The following CCDC141 variants were observed in gnomAD, a reference collection of about 807,000 sequenced individuals.
CCDC141 encodes the protein coiled-coil domain-containing protein 141.
In CCDC141, 168 loss-of-function variants were observed where a neutral mutation model predicts 181.0. That is an observed-to-expected ratio of 0.93 (90% CI 0.82 to 1.05). The LOEUF is 1.05. Among genes scored for constraint, CCDC141 ranks in the 50% least tolerant of loss-of-function variants. The pLI is 0.00. For missense variants in CCDC141, 1,902 were observed against 1,788.5 expected (o/e 1.06, Z -1.14); for synonymous variants, 666 against 642.3 (o/e 1.04, Z -0.56).
intron 4 of CCDC141, among the ~76,000 whole-genome samples, chr2:178,967,018 C>T (rs1438852421): frequency 6.6e-6 from 1 of 151,616 alleles, no homozygotes; most frequent in African/African-American, 2.4e-5. Flanking sequence ...TGAAGACCAA[C>T]TTAATGAAAT....
chr2:178,994,821 G>T (rs1692210104), intron 2 of CCDC141, among the ~76,000 whole-genome samples: 1 of 152,124 alleles, frequency 6.6e-6, no homozygotes, highest in Non-Finnish European at 1.5e-5. Context: ...TCTATCTCAA[G>T]TTCAAAGTTC....
At chr2:178,969,945 A>G (rs2154379857) in intron 4 of CCDC141, among the ~76,000 whole-genome samples, 1 of 152,362 alleles carries the variant, frequency 6.6e-6, no homozygotes, top group African/African-American at 2.4e-5. Context: ...TACAAAATCA[A>G]TGTGCAAAAA....
Position 178,868,067 on chromosome 2 carries a change from G to A in CCDC141, c.2533C>T (p.Leu845Phe). 1 of 1,613,956 alleles carries A rather than the reference G, an allele frequency of 6.2e-7. No individual in the cohort carries two copies. The highest frequency in any genetic ancestry group is 8.5e-7 in the Non-Finnish European group (1 of 1,179,902). ...ARVDHLHRLA[L>F]SLGVDIISSV... is the part of the protein sequence containing the mutation. ...GAGATGATGTCGACTCCTAAGGAAA[G>A]GGCCAGTCTGTGGAGATGGTCTACA... The change falls in exon 16 of 24, where the codon CTT (leucine) becomes TTT (phenylalanine). Residue 845 changes from leucine to phenylalanine, a missense_variant. Leu to Phe is a conservative substitution (Grantham distance 22, BLOSUM62 0). Transcript: ENST00000443758.
intron 2 of CCDC141, among the ~76,000 whole-genome samples, chr2:178,990,584 T>TGGAGGGGAGGGGAGG (rs199693487): frequency 7.0e-5 from 2 of 28,484 alleles, no homozygotes; most frequent in Admixed American, 4.9e-4. Flanking sequence ...GGGAGGGGAG[T>TGGAGGGGAGGGGAGG]GGAGGGGAGG....
chr2:178,945,831 T>A (rs765175280), intron 5 of CCDC141, among the ~76,000 whole-genome samples: 1 of 143,148 alleles, frequency 7.0e-6, no homozygotes, highest in Non-Finnish European at 1.5e-5. Context: ...TTCCACACAA[T>A]AAATGCACAT....
intron 2 of CCDC141, among the ~76,000 whole-genome samples, chr2:179,008,412 A>G (rs1298396335): frequency 6.6e-6 from 1 of 152,140 alleles, no homozygotes; most frequent in Admixed American, 6.5e-5. Flanking sequence ...GGTAGGTGTC[A>G]CGGGCACTGA....
intron 4 of CCDC141, among the ~76,000 whole-genome samples, chr2:178,964,691 T>G (rs7574471): frequency 0.97 from 148,333 of 152,232 alleles, 72,366 homozygotes; most frequent in Middle Eastern, 1. Context: ...CTTACGTTTT[T>G]CTTTTTCACA....
intron 3 of CCDC141, among the ~76,000 whole-genome samples, chr2:178,976,026 T>C (rs545617015): frequency 6.6e-6 from 1 of 152,318 alleles, no homozygotes; most frequent in Non-Finnish European, 1.5e-5. Flanking sequence ...TCTGTCTTTT[T>C]TCTTTTTCTC....
At chr2:178,988,728 G>A (rs577310742) in intron 2 of CCDC141, among the ~76,000 whole-genome samples, 1 of 152,214 alleles carries the variant, frequency 6.6e-6, no homozygotes, top group Non-Finnish European at 1.5e-5. Flanking sequence ...AACAAATTCG[G>A]AGGACTCACA....
intron 5 of CCDC141, among the ~76,000 whole-genome samples, chr2:178,958,277 T>TCAAGAGTG (rs987722605): frequency 3.9e-5 from 6 of 152,096 alleles, no homozygotes; most frequent in African/African-American, 1.4e-4. Context: ...ATGTACATCA[T>TCAAGAGTG]CAAGAGTGAA....
chr2:178,848,361 T>C (rs141697745), intron 21 of CCDC141, among the ~76,000 whole-genome samples: 175 of 152,314 alleles, frequency 1.1e-3, no homozygotes, highest in African/African-American at 4.1e-3. Context: ...AGGAAGAGTT[T>C]GTAGTAGAGT....
intron 4 of CCDC141, among the ~76,000 whole-genome samples, chr2:178,969,387 C>T (rs1690782600): frequency 6.6e-6 from 1 of 152,122 alleles, no homozygotes; most frequent in Non-Finnish European, 1.5e-5. Flanking sequence ...AAAATACTGG[C>T]AAACCAAATC....
intron 17 of CCDC141, 141 bp from the exon 18 acceptor site, chr2:178,856,538 C>T (rs1685396656): frequency 2.5e-6 from 1 of 406,584 alleles, no homozygotes; most frequent in East Asian, 3.3e-5. Context: ...CCCTCCCTCC[C>T]TCTCTCTTTC....
intron 2 of CCDC141, among the ~76,000 whole-genome samples, chr2:178,982,618 C>T (rs1005821589): frequency 9.5e-5 from 14 of 147,880 alleles, no homozygotes; most frequent in East Asian, 2.1e-4. Context: ...GCACCATGTG[C>T]GAACCGAAGC....
chr2:178,970,378 A>C (rs543429864), intron 4 of CCDC141, among the ~76,000 whole-genome samples: 15 of 152,210 alleles, frequency 9.9e-5, no homozygotes, highest in African/African-American at 1.4e-4. Flanking sequence ...CTATCCTACA[A>C]CGCTACGGTA....
intron 2 of CCDC141, among the ~76,000 whole-genome samples, chr2:178,985,222 T>A (rs1691665564): frequency 6.6e-6 from 1 of 151,298 alleles, no homozygotes; most frequent in Non-Finnish European, 1.5e-5. Context: ...GACTACTGGG[T>A]ACATAACGAA....
At chr2:178,867,221 A>G (rs1685893442) in intron 16 of CCDC141, among the ~76,000 whole-genome samples, 1 of 152,240 alleles carries the variant, frequency 6.6e-6, no homozygotes, top group Non-Finnish European at 1.5e-5. Context: ...TTCTTCATCC[A>G]TAAAATGATA....
chr2:178,988,925 G>A (rs1691893875), intron 2 of CCDC141, among the ~76,000 whole-genome samples: 1 of 152,076 alleles, frequency 6.6e-6, no homozygotes, highest in South Asian at 2.1e-4. Context: ...CAAACTAGTG[G>A]AACTAGAAGT....
At chr2:178,870,487 C>G (rs187079637) in intron 14 of CCDC141, among the ~76,000 whole-genome samples, 1 of 152,142 alleles carries the variant, frequency 6.6e-6, no homozygotes. Flanking sequence ...TACATGCAAA[C>G]GTGCACACAA....
Sources: gnomAD v4.1 joint callset for allele counts (sites outside exome capture counted in the v4.1 genomes callset) on GRCh38, gnomAD v4.1.1 for gene constraint, MANE v1.5 for transcripts, NCBI Gene and HGNC (gene_info 2026-07-23, HGNC 2026-07-21) for gene names.